The following ADD3 variants were observed in gnomAD, a reference collection of about 807,000 sequenced individuals.
ADD3 encodes the protein adducin 3, also known as gamma-adducin.
Under a neutral mutation model 80.2 loss-of-function variants are expected in ADD3, and 25 were observed. The observed-to-expected ratio is 0.31, with a 90% CI of 0.23 to 0.44. The LOEUF is 0.44. Among genes scored for constraint, ADD3 ranks in the 20% least tolerant of loss-of-function variants. The probability of loss-of-function intolerance (pLI) is 1.00; values close to 1 mark genes in which losing one functional copy is unlikely to be tolerated. For missense variants in ADD3, 829 were observed against 847.5 expected, an observed-to-expected ratio of 0.98 and a Z score of 0.27; for synonymous variants, 284 against 289.6, an observed-to-expected ratio of 0.98 and a Z score of 0.20.
intron 1 of ADD3, among the ~76,000 whole-genome samples, chr10:110,097,745 C>CAG: frequency 6.6e-6 from 1 of 151,496 alleles, no homozygotes; most frequent in South Asian, 2.1e-4. Context: ...TAATCTGGAA[C>CAG]AGTTCCTTAC....
chr10:110,102,750 GA>G (rs1388003135), intron 2 of ADD3, among the ~76,000 whole-genome samples: 1 of 152,204 alleles, frequency 6.6e-6, no homozygotes, highest in African/African-American at 2.4e-5. Flanking sequence ...GAGGACCGTT[GA>G]ATTCTAACTG....
At chr10:110,130,589 C>T in intron 13 of ADD3, 103 bp downstream of exon 13, 3 of 1,297,798 alleles carry the variant, frequency 2.3e-6, no homozygotes, top group Admixed American at 2.0e-5. Context: ...GGCACAATGG[C>T]TCACACCTGT....
At chr10:110,127,637 A>C (rs1417660846) in intron 12 of ADD3, among the ~76,000 whole-genome samples, 1 of 152,170 alleles carries the variant, frequency 6.6e-6, no homozygotes. Flanking sequence ...ATAACATAAA[A>C]TCTGTCCTAA....
rs141091567 is a variant in ADD3, at chr10:110,060,606, C to T, written c.-29-40019C>T. On this transcript the variant is annotated intron_variant, in intron 1 of 14. Transcript: ENST00000356080. ...GAGGACAACTTCGGGACATTTCTTT[C>T]ATCTCACTATCCTAAAAATCTTTGC... is the stretch of plus-strand genomic sequence containing the variant. Among the ~76,000 whole-genome samples the T allele has an allele frequency of 9.1e-4, 138 of 152,354 alleles. 1 individual carries two copies. Among genetic ancestry groups the T allele is most frequent in the African/African-American group, 3.0e-3 (126 of 41,584 alleles).
At chr10:110,059,204 G>A (rs1280672616) in intron 1 of ADD3, among the ~76,000 whole-genome samples, 1 of 152,180 alleles carries the variant, frequency 6.6e-6, no homozygotes, top group Non-Finnish European at 1.5e-5. Flanking sequence ...GGGTACAGTG[G>A]CTCATGCCTG....
chr10:110,040,436 A>G (rs1442044736), intron 1 of ADD3, among the ~76,000 whole-genome samples: 1 of 152,204 alleles, frequency 6.6e-6, no homozygotes, highest in Non-Finnish European at 1.5e-5. Context: ...CAATTAATAT[A>G]TGTACCCAGT....
intron 8 of ADD3, among the ~76,000 whole-genome samples, chr10:110,120,321 G>C (rs1011573712): frequency 1.4e-5 from 2 of 142,672 alleles, no homozygotes; most frequent in Non-Finnish European, 3.0e-5. Context: ...GAGAATATGC[G>C]GTGTTTGGTT....
intron 1 of ADD3, among the ~76,000 whole-genome samples, chr10:110,091,566 A>G (rs1301347533): frequency 6.6e-6 from 1 of 152,208 alleles, no homozygotes; most frequent in African/African-American, 2.4e-5. Flanking sequence ...GTGCTGGGAT[A>G]ATTGACTAGC....
intron 1 of ADD3, among the ~76,000 whole-genome samples, chr10:110,020,960 A>G (rs558745397): frequency 2.0e-5 from 3 of 152,312 alleles, no homozygotes; most frequent in South Asian, 2.1e-4. Flanking sequence ...TTAGACATCT[A>G]TTTGCAAGTT....
chr10:110,075,648 A>T (rs901876462), intron 1 of ADD3: 2 of 152,256 alleles, frequency 1.3e-5, no homozygotes, highest in Non-Finnish European at 2.9e-5. Context: ...TTGAAAACAC[A>T]TTCTGCCAGT....
At chr10:110,003,841 G>A (rs1475684657), upstream of ADD3, among the ~76,000 whole-genome samples, 1 of 152,178 alleles carries the variant, frequency 6.6e-6, no homozygotes, top group Non-Finnish European at 1.5e-5. Context: ...TTTAGATCAT[G>A]ACTGTGTTAG....
chr10:110,007,460 G>C (rs1374040555), upstream of ADD3, among the ~76,000 whole-genome samples: 1 of 152,238 alleles, frequency 6.6e-6, no homozygotes, highest in African/African-American at 2.4e-5. Context: ...TCAAAGCGGC[G>C]GCTCAGCCTC....
rs200223681 is a variant in ADD3, at chr10:110,070,988, GGGGGGT to G, written c.-29-29632_-29-29627del. On this transcript the variant is annotated intron_variant, in intron 1 of 14. Transcript: ENST00000356080. ...TTAGTTTTTTGTTGTTTTTGGGGGG[GGGGGGT>G]GGGGAGCCAGCTTTGCCTCCTACCT... Among the ~76,000 whole-genome samples the G allele has an allele frequency of 3.6e-4, 35 of 97,662 alleles. 1 individual carries two copies. Among genetic ancestry groups the G allele is most frequent in the African/African-American group, 1.3e-3 (31 of 23,084 alleles). 64.1% of individuals were successfully genotyped at this position (97,662 alleles called of 152,430 possible). A position where few individuals can be genotyped will look rare whatever the true frequency, so the allele number is the denominator to read the frequency against.
intron 2 of ADD3, among the ~76,000 whole-genome samples, chr10:110,102,567 A>G (rs985368928): frequency 2.0e-5 from 3 of 152,218 alleles, no homozygotes; most frequent in African/African-American, 7.2e-5. Flanking sequence ...TGATCACACT[A>G]CGGCACTCCA....
rs1590205703 is a variant in ADD3, at chr10:110,119,216, C to A, written c.723C>A (p.Ser241=). 6.2e-7 allele frequency: 1 copy of A among 1,613,980 alleles called. No homozygotes were observed. Among genetic ancestry groups the A allele is most frequent in the East Asian group, 2.2e-5 (1 of 44,872 alleles). Residue 241 remains serine, a synonymous_variant, in exon 7 of 15, where the codon TCC becomes TCA. Transcript: ENST00000356080. ...HIHTLATAAV[S]SMKCGILPIS... is the part of the protein sequence containing the mutation. The stretch of plus-strand genomic sequence containing the variant: ...GTATGGGCCAAACCAAATAGGTATC[C>A]TCCATGAAATGTGGGATCCTTCCAA...
rs187795342 is a variant in ADD3 at position 110,018,040 on chromosome 10, T to C, written c.-30+9741T>C. Among the ~76,000 whole-genome samples the C allele has an allele frequency of 3.3e-5, 5 of 152,350 alleles. No homozygotes were observed. In the East Asian group the frequency reaches 9.6e-4, roughly 29 times the overall value. On this transcript the variant is annotated intron_variant, in intron 1 of 14. Transcript: ENST00000356080. ...TTATCTGTAAGGAATTATACTTTAA[T>C]ATGTGTCTTCCAGAAAATCCCCATA...
chr10:110,047,038 G>A (rs2133355212), intron 1 of ADD3, among the ~76,000 whole-genome samples: 1 of 152,218 alleles, frequency 6.6e-6, no homozygotes, highest in African/African-American at 2.4e-5. Flanking sequence ...CCCAGAGACA[G>A]CAGAATGGAA....
chr10:110,090,986 T>G (rs1219962470), intron 1 of ADD3, among the ~76,000 whole-genome samples: 1 of 152,156 alleles, frequency 6.6e-6, no homozygotes, highest in East Asian at 1.9e-4. Context: ...ACAAGTCATT[T>G]CAAAAGAACA....
At chr10:110,077,267 T>G (rs922589628) in intron 1 of ADD3, 1 of 151,988 alleles carries the variant, frequency 6.6e-6, no homozygotes, top group Non-Finnish European at 1.5e-5. Flanking sequence ...CTCCACTAAG[T>G]TTTTTTTCTT....
Sources: allele counts gnomAD v4.1 joint callset (sites outside exome capture counted in the v4.1 genomes callset), GRCh38; gene constraint gnomAD v4.1.1; transcripts MANE v1.5; gene names NCBI Gene and HGNC (gene_info 2026-07-23, HGNC 2026-07-21).